DPP10: variants seen among roughly 807,000 people sequenced by gnomAD.
DPP10 encodes the protein inactive dipeptidyl peptidase 10.
A neutral mutation model predicts 120.9 loss-of-function variants in DPP10; 33 were observed. The observed-to-expected ratio is 0.27, with a 90% CI of 0.21 to 0.37. DPP10 has a LOEUF of 0.37. DPP10 is among the 10% of genes least tolerant of loss of function. DPP10 has a pLI of 1.00. For missense variants in DPP10, 816 were observed against 942.8 expected (o/e 0.87, Z 1.76); for synonymous variants, 337 against 326.1 (o/e 1.03, Z -0.36).
At chr2:115,046,293 G>C (rs1358833106) in intron 1 of DPP10, among the ~76,000 whole-genome samples, 1 of 152,128 alleles carries the variant, frequency 6.6e-6, no homozygotes, top group Non-Finnish European at 1.5e-5. Flanking sequence ...AGTTAATTCT[G>C]GTTACAAAAG....
At chr2:114,448,487 G>A (rs956278975) in intron 1 of DPP10, among the ~76,000 whole-genome samples, 14 of 152,230 alleles carry the variant, frequency 9.2e-5, no homozygotes, top group African/African-American at 3.1e-4. Context: ...TTATCAAAGT[G>A]CTGTCCCTAG....
In DPP10 at chr2:114,906,610, T is replaced by C. The variant is rs867386717; in HGVS notation, c.61-402629T>C. ...AATGGTTTTTCTGTAGCTATTGAGA[T>C]GACCATGAGGTTATTGTTCTTTAAC... On this transcript the variant is annotated intron_variant, in intron 1 of 25. Coordinates refer to ENST00000410059, the MANE Select transcript of DPP10 (RefSeq NM_020868.6). Among the ~76,000 whole-genome samples the C allele has an allele frequency of 1.4e-4, 22 of 152,298 alleles. No homozygotes were observed. The Middle Eastern group carries it at 0.01, about 71-fold the overall frequency.
At chr2:115,467,212 A>G (rs2074381716) in intron 3 of DPP10, among the ~76,000 whole-genome samples, 1 of 152,150 alleles carries the variant, frequency 6.6e-6, no homozygotes, top group Non-Finnish European at 1.5e-5. Flanking sequence ...ATGTTTGCAC[A>G]CACACATGCA....
In DPP10 at chr2:115,511,723, TTCTTCTTC is replaced by T. The variant is rs1183535651; in HGVS notation, c.366+12121_366+12128del. On this transcript the variant is annotated intron_variant, in intron 4 of 25. Coordinates refer to ENST00000410059, the MANE Select transcript of DPP10 (RefSeq NM_020868.6). ...TTCTTTCTTCTTCTTCTTCTTCTTC[TTCTTCTTC>T]TTTTTTTTTTTTTTGACACAGGGTC... Among the ~76,000 whole-genome samples the T allele has an allele frequency of 2.6e-3, 331 of 127,814 alleles. 1 individual carries two copies. The highest frequency in any genetic ancestry group is 0.01 in the African/African-American group (316 of 31,536). The allele number at this position is 127,814 out of a possible 152,430, so 83.9% of individuals were successfully genotyped here. A position where few individuals can be genotyped will look rare whatever the true frequency, so the allele number is the denominator to read the frequency against.
intron 1 of DPP10, among the ~76,000 whole-genome samples, chr2:114,470,818 G>A (rs575164129): frequency 2.6e-5 from 4 of 152,320 alleles, no homozygotes; most frequent in African/African-American, 9.6e-5. Flanking sequence ...AATACAAAAA[G>A]TATTTTCATG....
chr2:115,372,069 A>G (rs748341513), intron 3 of DPP10, among the ~76,000 whole-genome samples: 1 of 152,136 alleles, frequency 6.6e-6, no homozygotes, highest in Non-Finnish European at 1.5e-5. Context: ...TTTCTTAAAT[A>G]TTCATGTATT....
chr2:114,952,374 T>A (rs774990210), intron 1 of DPP10, among the ~76,000 whole-genome samples: 47 of 152,300 alleles, frequency 3.1e-4, no homozygotes, highest in Non-Finnish European at 6.3e-4. Flanking sequence ...CCTGTAAACA[T>A]TCCTATATTG....
chr2:114,525,713 A>T (rs1337537681), intron 1 of DPP10, among the ~76,000 whole-genome samples: 2 of 152,242 alleles, frequency 1.3e-5, no homozygotes, highest in African/African-American at 4.8e-5. Context: ...TCTCACCTGT[A>T]AAATGAAGGA....
intron 1 of DPP10, among the ~76,000 whole-genome samples, chr2:115,088,005 GA>G (rs1371941040): frequency 6.6e-6 from 1 of 152,210 alleles, no homozygotes; most frequent in Non-Finnish European, 1.5e-5. Flanking sequence ...GGAAGCCTGG[GA>G]AGTTTAAGAT....
At chr2:115,033,355 C>T (rs1383850532) in intron 1 of DPP10, among the ~76,000 whole-genome samples, 1 of 152,178 alleles carries the variant, frequency 6.6e-6, no homozygotes, top group African/African-American at 2.4e-5. Flanking sequence ...GTTCTCTCCA[C>T]TCTCCTGACC....
intron 1 of DPP10, among the ~76,000 whole-genome samples, chr2:115,013,481 C>G (rs1247757930): frequency 6.6e-6 from 1 of 151,958 alleles, no homozygotes; most frequent in Non-Finnish European, 1.5e-5. Context: ...CTTGGGGTTA[C>G]TCTTCTCAAA....
intron 3 of DPP10, among the ~76,000 whole-genome samples, chr2:115,447,087 C>T (rs1200322384): frequency 2.0e-5 from 3 of 152,138 alleles, no homozygotes; most frequent in Non-Finnish European, 4.4e-5. Context: ...AGTGGTGGAT[C>T]TGCCCAAGGC....
chr2:114,962,297 A>G (rs186142085), intron 1 of DPP10, among the ~76,000 whole-genome samples: 3 of 152,208 alleles, frequency 2.0e-5, no homozygotes. Flanking sequence ...TGCATATATA[A>G]TTTCCTCAGA....
At chr2:114,961,033 C>CTTTTTTTTTTTTTTTTTTT (rs772146022) in intron 1 of DPP10, among the ~76,000 whole-genome samples, 2 of 52,028 alleles carry the variant, frequency 3.8e-5, no homozygotes, top group African/African-American at 1.5e-4. Flanking sequence ...CTCTATACGC[C>CTTTTTTTTTTTTTTTTTTT]TTTTTTTTTT....
intron 1 of DPP10, among the ~76,000 whole-genome samples, chr2:114,853,558 A>T (rs1434611368): frequency 6.6e-6 from 1 of 152,120 alleles, no homozygotes; most frequent in Non-Finnish European, 1.5e-5. Context: ...CAATTCTTTG[A>T]AAGGCCATCT....
chr2:115,245,915 A>T lies in DPP10; in HGVS notation c.61-63324A>T, dbSNP rs2058512837. On this transcript the variant is annotated intron_variant, in intron 1 of 25. Transcript: ENST00000410059. The stretch of plus-strand genomic sequence containing the variant: ...TGGGCCAAAAAATATATTATTTCAG[A>T]CGCAGCTTGTACATTTTTTTAAATT... Among the ~76,000 whole-genome samples, 5 of 152,278 alleles carry T rather than the reference A, an allele frequency of 3.3e-5. No homozygotes were observed. The South Asian group carries it at 1.0e-3, about 32-fold the overall frequency.
chr2:115,840,311 G>GTTTTTTTTT (rs1396102493), intron 24 of DPP10, among the ~76,000 whole-genome samples: 3 of 33,240 alleles, frequency 9.0e-5, no homozygotes, highest in African/African-American at 2.7e-4. Context: ...CAGATATAAG[G>GTTTTTTTTT]TTTTTTGGTT....
intron 1 of DPP10, among the ~76,000 whole-genome samples, chr2:114,912,417 G>A (rs1284569452): frequency 2.0e-5 from 3 of 152,046 alleles, no homozygotes; most frequent in Non-Finnish European, 4.4e-5. Flanking sequence ...TAACTAACCT[G>A]TATGTGCCTC....
intron 1 of DPP10, among the ~76,000 whole-genome samples, chr2:115,047,885 T>G (rs1705185080): frequency 6.6e-6 from 1 of 152,226 alleles, no homozygotes; most frequent in East Asian, 1.9e-4. Flanking sequence ...GACTTCTATC[T>G]CTCTATCCCT....
Sources: allele counts gnomAD v4.1 joint callset (sites outside exome capture counted in the v4.1 genomes callset), GRCh38; gene constraint gnomAD v4.1.1; transcripts MANE v1.5; gene names NCBI Gene and HGNC (gene_info 2026-07-23, HGNC 2026-07-21).